Variants in KIZ observed in about 807,000 individuals in gnomAD.
KIZ encodes the protein kizuna centrosomal protein, also known as centrosomal protein kizuna.
A neutral mutation model predicts 79.6 loss-of-function variants in KIZ; 68 were observed. The ratio of observed to expected loss-of-function variants is 0.85; its 90% confidence interval spans 0.70 to 1.05. The LOEUF (loss-of-function observed/expected upper bound fraction) is 1.05, where lower values mean the gene tolerates loss of function less well. KIZ is among the 50% of genes least tolerant of loss of function. The pLI is 0.00. For synonymous variants in KIZ, 280 were observed against 281.8 expected (o/e 0.99, Z 0.06); for missense variants, 797 against 800.4 (o/e 1.00, Z 0.05).
intron 2 of KIZ, among the ~76,000 whole-genome samples, chr20:21,134,069 G>T (rs2032017837): frequency 6.6e-6 from 1 of 152,180 alleles, no homozygotes; most frequent in South Asian, 2.1e-4. Context: ...ACGCTCTCAG[G>T]TTATACCACA....
intron 11 of KIZ, among the ~76,000 whole-genome samples, chr20:21,239,289 A>G (rs1206858121): frequency 1.3e-5 from 2 of 152,206 alleles, no homozygotes; most frequent in Non-Finnish European, 2.9e-5. Flanking sequence ...AGCCAGGCAC[A>G]TGCTGTGGCA....
intron 4 of KIZ, among the ~76,000 whole-genome samples, chr20:21,154,576 C>A (rs1006458446): frequency 6.6e-6 from 1 of 152,194 alleles, no homozygotes; most frequent in African/African-American, 2.4e-5. Context: ...CTCTAGCACT[C>A]AACTACAGAA....
At chr20:21,171,509 A>C (rs1345780686) in intron 6 of KIZ, among the ~76,000 whole-genome samples, 3 of 152,138 alleles carry the variant, frequency 2.0e-5, no homozygotes, top group Non-Finnish European at 4.4e-5. Flanking sequence ...CAGTGGTGTG[A>C]TCATGGCCCA....
intron 2 of KIZ, 63 bp downstream of exon 2, chr20:21,132,222 C>G (rs1568903241): frequency 1.3e-6 from 1 of 787,484 alleles, no homozygotes; most frequent in Admixed American, 2.9e-5. Flanking sequence ...AAAATGTAAC[C>G]CTAATGTTAT....
At chr20:21,232,509 T>C (rs561342248) in intron 10 of KIZ, among the ~76,000 whole-genome samples, 1 of 152,340 alleles carries the variant, frequency 6.6e-6, no homozygotes, top group African/African-American at 2.4e-5. Flanking sequence ...TTTTCACTTT[T>C]TGTGGCTTGT....
intron 6 of KIZ, among the ~76,000 whole-genome samples, chr20:21,204,246 G>T (rs2123171136): frequency 6.8e-6 from 1 of 146,142 alleles, no homozygotes; most frequent in Admixed American, 6.9e-5. Flanking sequence ...CTCCCAAGTA[G>T]CTGGGACTAC....
Position 21,162,967 on chromosome 20 carries a change from TG to T in KIZ, c.1161del (p.Ile388PhefsTer2). ...DLTISISEDD[L>X]ILESPEPQPN... ...ACCATTTCAATAAGTGAAGATGATCTGATTTTAGAGAGCCCAGAACCACAGC... is the reference window on the plus strand; with the variant it reads ...ACCATTTCAATAAGTGAAGATGATCTATTTTAGAGAGCCCAGAACCACAGC... On this transcript the variant is annotated frameshift_variant, in exon 6 of 13. Transcript: ENST00000619189. LOFTEE classifies it high-confidence loss of function. 6.2e-7 allele frequency: 1 copy of T among 1,613,924 alleles called. No homozygotes were observed. The highest frequency in any genetic ancestry group is 8.5e-7 in the Non-Finnish European group (1 of 1,179,860).
intron 7 of KIZ, 78 bp from the exon 8 acceptor site, chr20:21,214,457 G>T: frequency 1.1e-6 from 1 of 935,040 alleles, no homozygotes; most frequent in Non-Finnish European, 1.6e-6. Context: ...AATTATATTT[G>T]AAGGCTATCT....
intron 6 of KIZ, among the ~76,000 whole-genome samples, chr20:21,191,069 GA>G (rs1447732549): frequency 5.9e-5 from 9 of 152,260 alleles, no homozygotes; most frequent in Admixed American, 3.9e-4. Flanking sequence ...AGGGAGTTTG[GA>G]ATGCTTGGTT....
intron 6 of KIZ, among the ~76,000 whole-genome samples, chr20:21,202,688 A>G (rs1399613204): frequency 1.3e-5 from 2 of 152,210 alleles, no homozygotes; most frequent in Non-Finnish European, 2.9e-5. Flanking sequence ...GAAAAGTAAA[A>G]GGAATCATAG....
chr20:21,165,576 T>C (rs1234185009), intron 6 of KIZ, among the ~76,000 whole-genome samples: 1 of 152,176 alleles, frequency 6.6e-6, no homozygotes, highest in Non-Finnish European at 1.5e-5. Flanking sequence ...CAGCATTAGT[T>C]CATTAGGATT....
chr20:21,139,938 GATGTGAGTTC>G (rs2122426161), intron 3 of KIZ, among the ~76,000 whole-genome samples: 1 of 152,296 alleles, frequency 6.6e-6, no homozygotes, highest in South Asian at 2.1e-4. Flanking sequence ...ACTCAGGAAG[GATGTGAGTTC>G]CATGGAGAAC....
At chr20:21,130,168 C>T (rs925747516) in intron 1 of KIZ, among the ~76,000 whole-genome samples, 2 of 152,168 alleles carry the variant, frequency 1.3e-5, no homozygotes, top group African/African-American at 4.8e-5. Context: ...TGGCATGTCT[C>T]TTCAGTCTCC....
At chr20:21,136,965 A>G (rs1389049268) in intron 3 of KIZ, among the ~76,000 whole-genome samples, 2 of 152,196 alleles carry the variant, frequency 1.3e-5, no homozygotes, top group Non-Finnish European at 2.9e-5. Context: ...TCTTTAGTTA[A>G]GGAATCAATG....
intron 6 of KIZ, among the ~76,000 whole-genome samples, chr20:21,183,593 A>G (rs2034747728): frequency 6.6e-6 from 1 of 152,238 alleles, no homozygotes; most frequent in Non-Finnish European, 1.5e-5. Context: ...TATGTGCTAA[A>G]TATTTTTCAG....
At chr20:21,139,718 G>A (rs940425181) in intron 3 of KIZ, among the ~76,000 whole-genome samples, 5 of 151,976 alleles carry the variant, frequency 3.3e-5, no homozygotes, top group African/African-American at 1.2e-4. Context: ...ATATAAAATA[G>A]GATATGTTAT....
Position 21,136,559 on chromosome 20 carries a change from T to G in KIZ, c.315+7T>G. Reference sequence around the variant, plus strand: ...GAAGCTTCAAAAACTGAAGGTGACTTCCTGTTTTTTACTGTGTTTTATTTT... The same window carrying G: ...GAAGCTTCAAAAACTGAAGGTGACTGCCTGTTTTTTACTGTGTTTTATTTT... On this transcript the variant is annotated splice_region_variant and intron_variant, in intron 3 of 12. Transcript: ENST00000619189. The G allele has an allele frequency of 6.5e-7, 1 of 1,536,872 alleles. No individual in the cohort carries two copies. Among genetic ancestry groups the G allele is most frequent in the Non-Finnish European group, 8.7e-7 (1 of 1,144,100 alleles).
intron 4 of KIZ, chr20:21,161,082 T>G (rs2033631302): frequency 6.6e-6 from 1 of 152,360 alleles, no homozygotes; most frequent in Admixed American, 6.5e-5. Flanking sequence ...CTCTAATGAA[T>G]AATGATATTA....
intron 2 of KIZ, among the ~76,000 whole-genome samples, chr20:21,133,972 C>G (rs549780825): frequency 7.9e-5 from 12 of 152,340 alleles, no homozygotes; most frequent in African/African-American, 2.6e-4. Flanking sequence ...GGAGTTAACT[C>G]CTTTACACAT....
Sources: gnomAD v4.1 joint callset for allele counts (sites outside exome capture counted in the v4.1 genomes callset) on GRCh38, gnomAD v4.1.1 for gene constraint, MANE v1.5 for transcripts, NCBI Gene and HGNC (gene_info 2026-07-23, HGNC 2026-07-21) for gene names.